GPATCH2: variants seen among roughly 807,000 people sequenced by gnomAD.
GPATCH2 encodes G-patch domain containing 2, also known as G patch domain-containing protein 2.
Under a neutral mutation model 58.0 loss-of-function variants are expected in GPATCH2, and 51 were observed. The ratio of observed to expected loss-of-function variants is 0.88; its 90% CI spans 0.70 to 1.11. The LOEUF (loss-of-function observed/expected upper bound fraction) is 1.11, where lower values mean the gene tolerates loss of function less well. GPATCH2 is among the 50% of genes most tolerant of loss of function. GPATCH2 has a pLI of 0.00. For missense variants in GPATCH2, 625 were observed against 652.2 expected (o/e 0.96, Z 0.45); for synonymous variants, 222 against 218.5 (o/e 1.02, Z -0.14).
intron 5 of GPATCH2, among the ~76,000 whole-genome samples, chr1:217,568,794 G>C (rs2102711360): frequency 6.6e-6 from 1 of 152,266 alleles, no homozygotes; most frequent in East Asian, 1.9e-4. Flanking sequence ...CAAGAGTTCT[G>C]AGTATAGGAA....
intron 6 of GPATCH2, among the ~76,000 whole-genome samples, chr1:217,500,858 T>G (rs1662262479): frequency 6.6e-6 from 1 of 152,120 alleles, no homozygotes; most frequent in Admixed American, 6.6e-5. Flanking sequence ...TTTGTTTGCC[T>G]GCTAAGTGAT....
chr1:217,620,125 T>C lies in GPATCH2; in HGVS notation c.431A>G (p.His144Arg), dbSNP rs1669112884. 3 of 1,614,158 alleles carry C rather than the reference T, an allele frequency of 1.9e-6. No homozygotes were observed. In the African/African-American group the frequency reaches 4.0e-5, roughly 22 times the overall value. Residue 144 changes from histidine to arginine, a missense_variant, in exon 2 of 10, where the codon CAT becomes CGT. Physicochemically the swap from His to Arg is conservative, Grantham distance 29. Transcript: ENST00000366935. ...ATTGTCCACAGCAAAATCAGACTCATGCCATAGAGGTCTTTTCCCTCGAAC... is the reference window on the plus strand; with the variant it reads ...ATTGTCCACAGCAAAATCAGACTCACGCCATAGAGGTCTTTTCCCTCGAAC... ...NNVRGKRPLW[H>R]ESDFAVDNVG... is the part of the protein sequence containing the mutation.
intron 5 of GPATCH2, among the ~76,000 whole-genome samples, chr1:217,557,390 C>G (rs1235443786): frequency 9.7e-6 from 1 of 103,434 alleles, no homozygotes; most frequent in Non-Finnish European, 1.9e-5. Flanking sequence ...GCCTGGGCAA[C>G]AAGAGTGAAA....
At chr1:217,508,147 T>A (rs1662653478) in intron 6 of GPATCH2, among the ~76,000 whole-genome samples, 1 of 152,106 alleles carries the variant, frequency 6.6e-6, no homozygotes, top group African/African-American at 2.4e-5. Context: ...GCTAAATGAC[T>A]CACCCATGGG....
intron 8 of GPATCH2, among the ~76,000 whole-genome samples, chr1:217,490,618 G>T (rs1661677810): frequency 6.6e-6 from 1 of 151,830 alleles, no homozygotes; most frequent in South Asian, 2.1e-4. Context: ...ATTATCTCTT[G>T]AACAATCACA....
intron 8 of GPATCH2, among the ~76,000 whole-genome samples, chr1:217,482,526 C>G (rs1029806169): frequency 1.3e-5 from 2 of 151,970 alleles, no homozygotes. Context: ...CTGGAGCAAC[C>G]ACTAAGAGGC....
intron 8 of GPATCH2, 63 bp from the exon 9 acceptor site, chr1:217,449,400 C>T: frequency 5.4e-6 from 5 of 929,452 alleles, no homozygotes; most frequent in East Asian, 4.8e-5. Context: ...AAATACACAG[C>T]TTGTATCATC....
chr1:217,627,989 A>T (rs1669545885), intron 1 of GPATCH2, among the ~76,000 whole-genome samples: 1 of 152,090 alleles, frequency 6.6e-6, no homozygotes, highest in Admixed American at 6.5e-5. Context: ...ATATATTCAA[A>T]TGCATTAGGC....
intron 8 of GPATCH2, among the ~76,000 whole-genome samples, chr1:217,490,957 G>A (rs1661699229): frequency 6.6e-6 from 1 of 152,176 alleles, no homozygotes; most frequent in African/African-American, 2.4e-5. Context: ...CTTTGAAGCT[G>A]TATTTTGGTT....
At chr1:217,627,475 A>T (rs1487959206) in intron 1 of GPATCH2, among the ~76,000 whole-genome samples, 1 of 152,126 alleles carries the variant, frequency 6.6e-6, no homozygotes, top group Non-Finnish European at 1.5e-5. Flanking sequence ...AAATTAAAAA[A>T]AATTAATGCT....
intron 5 of GPATCH2, among the ~76,000 whole-genome samples, chr1:217,575,448 A>G (rs1011040544): frequency 8.5e-5 from 13 of 152,206 alleles, no homozygotes; most frequent in African/African-American, 2.4e-4. Flanking sequence ...CCAGGTAAGC[A>G]TACTTAATAT....
intron 5 of GPATCH2, among the ~76,000 whole-genome samples, chr1:217,561,469 G>GGT (rs1386304603): frequency 6.6e-6 from 1 of 152,122 alleles, no homozygotes; most frequent in African/African-American, 2.4e-5. Context: ...TTGTCATCGA[G>GGT]GTGTGTGTGT....
intron 6 of GPATCH2, among the ~76,000 whole-genome samples, chr1:217,505,224 G>A (rs1191562589): frequency 6.6e-6 from 1 of 152,168 alleles, no homozygotes; most frequent in Non-Finnish European, 1.5e-5. Flanking sequence ...AGAGGTCTAG[G>A]AACTAAGCGT....
At position 217,588,489 on chromosome 1, in the gene GPATCH2, A is replaced by T. The variant is rs867919642; in HGVS notation, c.1098+21832T>A. ...GAAAGGTCGAAGTTTCTTTTTTATT[A>T]TTTAAATAAAGCACTTTACCTATTA... On this transcript the variant is annotated intron_variant, in intron 5 of 9. Transcript: ENST00000366935. Among the ~76,000 whole-genome samples, 68 of 152,268 alleles carry T rather than the reference A, an allele frequency of 4.5e-4. 1 individual carries two copies. Among genetic ancestry groups the T allele is most frequent in the South Asian group, 4.1e-3 (20 of 4,820 alleles).
At chr1:217,463,135 T>A (rs1371325816) in intron 8 of GPATCH2, among the ~76,000 whole-genome samples, 1 of 152,190 alleles carries the variant, frequency 6.6e-6, no homozygotes, top group Non-Finnish European at 1.5e-5. Flanking sequence ...ACTCTGCGGT[T>A]GAGATCATAT....
intron 8 of GPATCH2, among the ~76,000 whole-genome samples, chr1:217,468,764 C>A (rs944673838): frequency 4.0e-5 from 6 of 150,862 alleles, no homozygotes; most frequent in Non-Finnish European, 8.9e-5. Flanking sequence ...TTTTAAGAAG[C>A]TGTTACCTTT....
intron 5 of GPATCH2, among the ~76,000 whole-genome samples, chr1:217,521,450 C>T (rs1169687162): frequency 6.6e-6 from 1 of 150,776 alleles, no homozygotes; most frequent in Non-Finnish European, 1.5e-5. Flanking sequence ...CTAGAATACA[C>T]TCTAGGAAAA....
chr1:217,563,136 A>G (rs1666012966), intron 5 of GPATCH2, among the ~76,000 whole-genome samples: 1 of 152,202 alleles, frequency 6.6e-6, no homozygotes, highest in Non-Finnish European at 1.5e-5. Context: ...CTACTAGCCT[A>G]GCTTAACATC....
chr1:217,581,884 G>A (rs2102744412), intron 5 of GPATCH2, among the ~76,000 whole-genome samples: 1 of 152,314 alleles, frequency 6.6e-6, no homozygotes, highest in East Asian at 1.9e-4. Context: ...CTGGGAGGCA[G>A]AGGTTGCAGT....
Sources: allele counts gnomAD v4.1 joint callset (sites outside exome capture counted in the v4.1 genomes callset), GRCh38; gene constraint gnomAD v4.1.1; transcripts MANE v1.5; gene names NCBI Gene and HGNC (gene_info 2026-07-23, HGNC 2026-07-21).